CNTN4: variants seen among roughly 807,000 people sequenced by gnomAD.
CNTN4 encodes the protein contactin 4.
A neutral mutation model predicts 122.5 loss-of-function variants in CNTN4; 77 were observed. The observed-to-expected ratio is 0.63, with a 90% confidence interval of 0.52 to 0.76. The LOEUF (loss-of-function observed/expected upper bound fraction) is 0.76, where lower values mean the gene tolerates loss of function less well. Ranked by LOEUF, CNTN4 falls within the 30% of genes least tolerant of loss-of-function variation. The pLI, the probability that CNTN4 is intolerant of heterozygous loss-of-function variation, is 0.00. For missense variants in CNTN4, 1,256 were observed against 1,259.1 expected, an observed-to-expected ratio of 1.00 and a Z score of 0.04; for synonymous variants, 512 against 447.0, an observed-to-expected ratio of 1.15 and a Z score of -1.83.
chr3:2,725,922 G>A (rs2088190614), intron 4 of CNTN4, among the ~76,000 whole-genome samples: 1 of 152,214 alleles, frequency 6.6e-6, no homozygotes, highest in Non-Finnish European at 1.5e-5. Flanking sequence ...TATGCATATA[G>A]TGTTGATCAG....
chr3:2,672,419 C>T (rs1037089190), intron 4 of CNTN4, among the ~76,000 whole-genome samples: 10 of 152,298 alleles, frequency 6.6e-5, no homozygotes, highest in Non-Finnish European at 8.8e-5. Flanking sequence ...GAGCCATGCG[C>T]GGGATATAAT....
chr3:2,589,565 CT>C (rs1287192099), intron 4 of CNTN4, among the ~76,000 whole-genome samples: 2 of 152,062 alleles, frequency 1.3e-5, no homozygotes, highest in African/African-American at 2.4e-5. Context: ...TCATTCTCAA[CT>C]TTTTTTTCAC....
intron 3 of CNTN4, among the ~76,000 whole-genome samples, chr3:2,340,710 T>TAGAGAGAGAGAGAGAGAGAG (rs747326741): frequency 2.2e-4 from 4 of 18,292 alleles, no homozygotes; most frequent in Non-Finnish European, 4.9e-4. Context: ...TATATATATA[T>TAGAGAGAGAGAGAGAGAGAG]AGAGAGAGAG....
chr3:2,993,371 C>T (rs1400068503), intron 14 of CNTN4, among the ~76,000 whole-genome samples: 1 of 150,178 alleles, frequency 6.7e-6, no homozygotes, highest in Non-Finnish European at 1.5e-5. Flanking sequence ...GATCTCAGCT[C>T]ACTGCAACCT....
chr3:2,559,287 C>T (rs1377443955), intron 3 of CNTN4, among the ~76,000 whole-genome samples: 4 of 152,138 alleles, frequency 2.6e-5, no homozygotes, highest in African/African-American at 4.8e-5. Flanking sequence ...TGGCAAACTT[C>T]GCAAAGTGAT....
chr3:2,624,920 A>T (rs754424323), intron 4 of CNTN4, among the ~76,000 whole-genome samples: 12 of 152,020 alleles, frequency 7.9e-5, no homozygotes, highest in Non-Finnish European at 1.2e-4. Flanking sequence ...GGCATGAGCC[A>T]CTGGGCCTGG....
At chr3:2,251,189 C>A (rs2040364114) in intron 2 of CNTN4, among the ~76,000 whole-genome samples, 1 of 151,846 alleles carries the variant, frequency 6.6e-6, no homozygotes, top group South Asian at 2.1e-4. Flanking sequence ...ATGCCACAAG[C>A]AATTGGTAAT....
chr3:2,594,908 T>C (rs1229018292), intron 4 of CNTN4, among the ~76,000 whole-genome samples: 1 of 151,452 alleles, frequency 6.6e-6, no homozygotes, highest in African/African-American at 2.4e-5. Flanking sequence ...CTGATCCCAA[T>C]CTATTAGTGG....
intron 13 of CNTN4, among the ~76,000 whole-genome samples, chr3:2,968,574 G>GA (rs1315088461): frequency 6.6e-6 from 1 of 152,124 alleles, no homozygotes; most frequent in Non-Finnish European, 1.5e-5. Flanking sequence ...TTGTAAGTCA[G>GA]AAAAAACTTT....
At position 3,024,395 on chromosome 3, in the gene CNTN4, A is replaced by C. The variant is rs542902984; in HGVS notation, c.1487-1707A>C. On this transcript the variant is annotated intron_variant, in intron 14 of 24. Coordinates refer to ENST00000418658, the MANE Select transcript of CNTN4 (RefSeq NM_175607.3). The stretch of plus-strand genomic sequence containing the variant: ...CCTCTTTTCCTCATTAAAAAAAAAA[A>C]AAAAAAAAAAAAACAACTTCATCAC... Among the ~76,000 whole-genome samples the C allele has an allele frequency of 3.2e-3, 481 of 148,400 alleles. 3 individuals carry two copies. The highest frequency in any genetic ancestry group is 4.5e-3 in the Non-Finnish European group (304 of 67,524).
chr3:2,387,585 A>G (rs72996009), intron 3 of CNTN4, among the ~76,000 whole-genome samples: 25,058 of 152,138 alleles, frequency 0.16, 2,542 homozygotes, highest in Middle Eastern at 0.26. Context: ...ATTTAATAAT[A>G]GAGACATTTG....
chr3:2,569,196 C>G (rs1483408823), intron 3 of CNTN4, among the ~76,000 whole-genome samples: 1 of 152,184 alleles, frequency 6.6e-6, no homozygotes, highest in Non-Finnish European at 1.5e-5. Flanking sequence ...CTATCAGAAA[C>G]TAAGCTATTT....
chr3:2,712,599 A>T (rs958213415), intron 4 of CNTN4, among the ~76,000 whole-genome samples: 5 of 152,224 alleles, frequency 3.3e-5, no homozygotes, highest in Non-Finnish European at 7.3e-5. Context: ...TTTGGTCTTC[A>T]TGCCATGTCC....
intron 6 of CNTN4, among the ~76,000 whole-genome samples, chr3:2,807,993 G>A (rs77034805): frequency 0.032 from 4,806 of 152,220 alleles, 94 homozygotes; most frequent in South Asian, 0.086. Context: ...GAGAAACTGC[G>A]CCTCTTTCCT....
At position 2,665,031 on chromosome 3, in the gene CNTN4, A is replaced by C. The variant is rs146981155; in HGVS notation, c.56-71184A>C. ...CATTCTTCACTCTAACATCAAAACAAGGGCTCTCTCCGGGACACCTAGTTG... is the reference window on the plus strand; with the variant it reads ...CATTCTTCACTCTAACATCAAAACACGGGCTCTCTCCGGGACACCTAGTTG... On this transcript the variant is annotated intron_variant, in intron 4 of 24. Coordinates refer to ENST00000418658, the MANE Select transcript of CNTN4 (RefSeq NM_175607.3). Among the ~76,000 whole-genome samples, 398 of 152,254 alleles carry C rather than the reference A, an allele frequency of 2.6e-3. 2 individuals carry two copies. The highest frequency in any genetic ancestry group is 4.1e-3 in the Non-Finnish European group (277 of 68,016).
intron 15 of CNTN4, among the ~76,000 whole-genome samples, chr3:3,027,161 C>T (rs1345317950): frequency 6.6e-6 from 1 of 152,192 alleles, no homozygotes; most frequent in African/African-American, 2.4e-5. Flanking sequence ...CACCCAACTA[C>T]AGTACTAGCC....
intron 6 of CNTN4, among the ~76,000 whole-genome samples, chr3:2,799,243 C>G (rs1202566583): frequency 6.6e-6 from 1 of 152,014 alleles, no homozygotes; most frequent in South Asian, 2.1e-4. Flanking sequence ...ATATTAGTTC[C>G]TTGTTGGATG....
intron 4 of CNTN4, among the ~76,000 whole-genome samples, chr3:2,726,145 T>A (rs923249629): frequency 1.3e-5 from 2 of 152,172 alleles, no homozygotes; most frequent in Non-Finnish European, 2.9e-5. Flanking sequence ...AGGTTCTCTC[T>A]CTCTATGTGG....
At chr3:2,408,079 T>C (rs1026022173) in intron 3 of CNTN4, among the ~76,000 whole-genome samples, 21 of 152,210 alleles carry the variant, frequency 1.4e-4, no homozygotes, top group African/African-American at 5.1e-4. Context: ...GTAGCACTTA[T>C]TTGTTGCTTT....
Sources: gnomAD v4.1 joint callset for allele counts (sites outside exome capture counted in the v4.1 genomes callset) on GRCh38, gnomAD v4.1.1 for gene constraint, MANE v1.5 for transcripts, NCBI Gene and HGNC (gene_info 2026-07-23, HGNC 2026-07-21) for gene names.